RALY: variants seen among roughly 807,000 people sequenced by gnomAD.
RALY encodes the protein RALY heterogeneous nuclear ribonucleoprotein.
RALY carries 15 observed loss-of-function variants against 30.7 expected under a neutral mutation model. The observed-to-expected ratio is 0.49, with a 90% CI of 0.33 to 0.75. The LOEUF is 0.75. Among genes scored for constraint, RALY ranks in the 30% least tolerant of loss-of-function variants. RALY has a pLI of 0.02. For missense variants in RALY, 339 were observed against 414.3 expected (o/e 0.82, Z 1.58); for synonymous variants, 177 against 170.8 (o/e 1.04, Z -0.28).
intron 2 of RALY, among the ~76,000 whole-genome samples, chr20:34,051,172 GAACC>G (rs1568681409): frequency 6.6e-6 from 1 of 152,042 alleles, no homozygotes; most frequent in Non-Finnish European, 1.5e-5. Flanking sequence ...TACTGCTTTT[GAACC>G]TTAGAGCAAC....
In RALY at chr20:34,073,815, C is replaced by T. The variant is rs1464799116; in HGVS notation, c.330-4C>T. On this transcript the variant is annotated splice_polypyrimidine_tract_variant and splice_region_variant and intron_variant, in intron 4 of 9. Transcript: ENST00000246194. The stretch of plus-strand genomic sequence containing the variant: ...CTCCAGCCCTCTCCCCTTTGTTTCC[C>T]CAGTGGCTACATCTTTGACTATGAT... 1.2e-6 allele frequency: 2 copies of T among 1,614,090 alleles called. No homozygotes were observed. The highest frequency in any genetic ancestry group is 2.2e-5 in the South Asian group (2 of 91,080).
At chr20:34,069,712 G>A (rs2033673424) in intron 2 of RALY, among the ~76,000 whole-genome samples, 1 of 152,322 alleles carries the variant, frequency 6.6e-6, no homozygotes, top group East Asian at 1.9e-4. Context: ...AACATGTATT[G>A]AGCATTTCCT....
chr20:34,043,182 T>A (rs1241781697), intron 2 of RALY, among the ~76,000 whole-genome samples: 64 of 152,362 alleles, frequency 4.2e-4, no homozygotes, highest in Non-Finnish European at 5.9e-5. Flanking sequence ...AATCCTAGAC[T>A]TGCTTCTTTT....
chr20:34,059,578 C>G (rs949919678), intron 2 of RALY, among the ~76,000 whole-genome samples: 2 of 152,212 alleles, frequency 1.3e-5, no homozygotes, highest in African/African-American at 4.8e-5. Context: ...AAGTGCCTTT[C>G]CAGGTCATAC....
Position 34,077,057 on chromosome 20 carries a change from G to GT in RALY, c.688_689insT (p.Ala230ValfsTer36). ...CAAGAAGAAGGGTGATGGAGGTGGC[G>GT]CCGGCGGCGGCGGCGGTGGTGGTGG... is the stretch of plus-strand genomic sequence containing the variant. On this transcript the variant is annotated frameshift_variant, in exon 8 of 10. Transcript: ENST00000246194. LOFTEE classifies it high-confidence loss of function. 1.0e-5 allele frequency: 13 copies of GT among 1,280,472 alleles called. No homozygotes were observed. Among genetic ancestry groups the GT allele is most frequent in the Non-Finnish European group, 1.4e-5 (13 of 955,496 alleles). 79.3% of individuals were successfully genotyped at this position (1,280,472 alleles called of 1,614,324 possible). A position where few individuals can be genotyped will look rare whatever the true frequency, so the allele number is the denominator to read the frequency against.
chr20:34,071,353 C>G (rs1414783832), intron 2 of RALY, among the ~76,000 whole-genome samples: 1 of 151,634 alleles, frequency 6.6e-6, no homozygotes, highest in Non-Finnish European at 1.5e-5. Context: ...CAGTGGCTTA[C>G]TGCAACCTCC....
At chr20:34,060,243 A>G (rs2033377053) in intron 2 of RALY, among the ~76,000 whole-genome samples, 1 of 152,212 alleles carries the variant, frequency 6.6e-6, no homozygotes, top group Non-Finnish European at 1.5e-5. Flanking sequence ...TCCAACAACA[A>G]CAATAATAAT....
At chr20:34,016,158 A>G (rs1193550306) in intron 1 of RALY, among the ~76,000 whole-genome samples, 1 of 152,190 alleles carries the variant, frequency 6.6e-6, no homozygotes, top group Non-Finnish European at 1.5e-5. Context: ...AGCATCCTCC[A>G]CATTTCTTTA....
At chr20:34,059,111 G>A (rs145500568) in intron 2 of RALY, among the ~76,000 whole-genome samples, 8 of 152,276 alleles carry the variant, frequency 5.3e-5, no homozygotes, top group Non-Finnish European at 8.8e-5. Flanking sequence ...CAGCACCCTG[G>A]AGAGAGGTCA....
chr20:34,016,855 C>T (rs1164260899), intron 1 of RALY, among the ~76,000 whole-genome samples: 1 of 152,284 alleles, frequency 6.6e-6, no homozygotes, highest in Non-Finnish European at 1.5e-5. Flanking sequence ...CAGGCCCTGA[C>T]CTTCTGCCAG....
intron 1 of RALY, among the ~76,000 whole-genome samples, chr20:34,025,653 AAAC>A (rs976541781): frequency 6.6e-5 from 10 of 152,068 alleles, no homozygotes; most frequent in South Asian, 2.1e-4. Context: ...TGCTTATTCT[AAAC>A]AACAAGAGTT....
At chr20:34,007,148 C>T (rs922865439) in intron 1 of RALY, among the ~76,000 whole-genome samples, 7 of 152,078 alleles carry the variant, frequency 4.6e-5, no homozygotes, top group Non-Finnish European at 8.8e-5. Context: ...TCCAAGGCCC[C>T]GCCTGGATTT....
At chr20:34,041,642 T>C (rs1447912652) in intron 2 of RALY, among the ~76,000 whole-genome samples, 3 of 152,168 alleles carry the variant, frequency 2.0e-5, no homozygotes, top group Non-Finnish European at 1.5e-5. Context: ...CCTTATAGGG[T>C]GTTATTTTTA....
At chr20:34,026,323 G>A (rs1378150790) in intron 1 of RALY, among the ~76,000 whole-genome samples, 1 of 151,946 alleles carries the variant, frequency 6.6e-6, no homozygotes, top group South Asian at 2.1e-4. Context: ...AAAGTCCTTG[G>A]TTCTGGTATC....
chr20:34,015,354 CCT>C (rs985850950), intron 1 of RALY, among the ~76,000 whole-genome samples: 6 of 151,660 alleles, frequency 4.0e-5, no homozygotes, highest in African/African-American at 1.2e-4. Context: ...TAAATCTCCC[CCT>C]TTCTCCAGTC....
chr20:34,047,206 G>C (rs1430430928), intron 2 of RALY, among the ~76,000 whole-genome samples: 2 of 152,178 alleles, frequency 1.3e-5, no homozygotes, highest in Non-Finnish European at 2.9e-5. Flanking sequence ...CTAATCTGCT[G>C]ACCTTGGAAA....
chr20:34,043,371 C>T (rs1157047380), intron 2 of RALY, among the ~76,000 whole-genome samples: 1 of 152,180 alleles, frequency 6.6e-6, no homozygotes, highest in African/African-American at 2.4e-5. Context: ...ATGTTTTGTC[C>T]ATCTTTCCAT....
intron 1 of RALY, among the ~76,000 whole-genome samples, chr20:34,020,190 C>T (rs1321559693): frequency 6.6e-6 from 1 of 152,198 alleles, no homozygotes; most frequent in East Asian, 1.9e-4. Context: ...TTCACCGTAA[C>T]ACATGTAAGT....
chr20:34,071,503 T>G (rs921275374), intron 2 of RALY, among the ~76,000 whole-genome samples: 1 of 152,042 alleles, frequency 6.6e-6, no homozygotes, highest in African/African-American at 2.4e-5. Context: ...GGTTTCGAAC[T>G]CCTGACCTTA....
Sources: gnomAD v4.1 joint callset for allele counts (sites outside exome capture counted in the v4.1 genomes callset) on GRCh38, gnomAD v4.1.1 for gene constraint, MANE v1.5 for transcripts, NCBI Gene and HGNC (gene_info 2026-07-23, HGNC 2026-07-21) for gene names.